PPM1A: variants seen among roughly 807,000 people sequenced by gnomAD.
PPM1A encodes protein phosphatase 1A.
Under a neutral mutation model 35.0 loss-of-function variants are expected in PPM1A, and 7 were observed. The observed-to-expected ratio is 0.20, with a 90% CI of 0.11 to 0.38. The LOEUF (loss-of-function observed/expected upper bound fraction) is 0.38. PPM1A is among the 10% of genes least tolerant of loss of function. The probability of loss-of-function intolerance (pLI) is 1.00; values close to 1 mark genes in which losing one functional copy is unlikely to be tolerated. For missense variants in PPM1A, 239 were observed against 467.8 expected (o/e 0.51, Z 4.51); for synonymous variants, 153 against 167.3 (o/e 0.91, Z 0.66).
chr14:60,277,064 T>G (rs1271251007), intron 1 of PPM1A: 2 of 1,204,198 alleles, frequency 1.7e-6, no homozygotes, highest in Admixed American at 2.8e-5. Flanking sequence ...GAGACTCAGC[T>G]TGTACTCAAG....
Position 60,249,362 on chromosome 14 carries a change from G to A in PPM1A, c.-336G>A, listed in dbSNP as rs1354437627. ...TCCGGAACGGGTGGTTGGGGAGGGG[G>A]GGGTGGGGGGACTCTAGACAGCTGA... On this transcript the variant is annotated 5_prime_UTR_variant, in exon 1 of 6. Transcript: ENST00000395076. This position sits in a 1 kb window ranked among gnomAD's most constrained non-coding sequence, Gnocchi z 4.5. 4.1e-6 allele frequency: 4 copies of A among 978,516 alleles called. No homozygotes were observed. The highest frequency in any genetic ancestry group is 6.2e-5 in the Admixed American group (1 of 16,178). The allele number at this position is 978,516 out of a possible 1,614,324, so 60.6% of individuals were successfully genotyped here.
intron 3 of PPM1A, chr14:60,287,427 A>G (rs1566604867): frequency 9.1e-6 from 9 of 984,094 alleles, no homozygotes; most frequent in East Asian, 1.1e-4. Flanking sequence ...CAACTAGAGA[A>G]TAAATATTAC....
chr14:60,275,644 G>A (rs971125197), intron 1 of PPM1A, among the ~76,000 whole-genome samples: 4 of 151,892 alleles, frequency 2.6e-5, no homozygotes, highest in Non-Finnish European at 4.4e-5. Flanking sequence ...GCACCACTAT[G>A]CCCCGCTAAT....
At chr14:60,266,644 C>G (rs1341658547) in intron 1 of PPM1A, among the ~76,000 whole-genome samples, 1 of 152,170 alleles carries the variant, frequency 6.6e-6, no homozygotes, top group Non-Finnish European at 1.5e-5. Flanking sequence ...AGAGCTCTTT[C>G]TGGATTCTCA....
chr14:60,261,893 A>G (rs987954752), intron 1 of PPM1A, among the ~76,000 whole-genome samples: 5 of 152,216 alleles, frequency 3.3e-5, no homozygotes, highest in Non-Finnish European at 7.3e-5. Context: ...ATAAAGTCCT[A>G]TAGTAAGCAG....
chr14:60,290,908 T>C (rs1887568877), intron 4 of PPM1A, among the ~76,000 whole-genome samples: 1 of 152,150 alleles, frequency 6.6e-6, no homozygotes, highest in Non-Finnish European at 1.5e-5. Context: ...CAAAACTAAT[T>C]CCTAGACTTG....
intron 1 of PPM1A, among the ~76,000 whole-genome samples, chr14:60,270,876 T>C (rs1885003599): frequency 6.6e-6 from 1 of 152,258 alleles, no homozygotes; most frequent in African/African-American, 2.4e-5. Context: ...TTTACAAGTT[T>C]GGCAGATTTT....
chr14:60,255,264 C>T (rs1031874586), intron 1 of PPM1A, among the ~76,000 whole-genome samples: 7 of 147,870 alleles, frequency 4.7e-5, no homozygotes, highest in East Asian at 2.0e-4. Flanking sequence ...CTCCGCCTCC[C>T]GGGTTCACGC....
intron 3 of PPM1A, chr14:60,286,444 G>A (rs1056585005): frequency 3.0e-6 from 3 of 984,990 alleles, no homozygotes; most frequent in Non-Finnish European, 2.4e-6. Context: ...TATATATTAT[G>A]CAGTTTCTCT....
rs1376957457 is a variant in PPM1A at position 60,294,801 on chromosome 14, A to G, written c.*2319A>G. On this transcript the variant is annotated 3_prime_UTR_variant, in exon 6 of 6. Transcript: ENST00000395076. ...TTGAAATTAGGCTTGGACACGAGAG[A>G]GAACCGTATTTGAGTGATGTGAGAA... 1 of 151,768 alleles carries G rather than the reference A, an allele frequency of 6.6e-6. No individual in the cohort carries two copies. The highest frequency in any genetic ancestry group is 1.5e-5 in the Non-Finnish European group (1 of 67,774). The allele number at this position is 151,768 out of a possible 1,614,324, so 9.4% of individuals were successfully genotyped here. A position where few individuals can be genotyped will look rare whatever the true frequency, so the allele number is the denominator to read the frequency against.
intron 1 of PPM1A, among the ~76,000 whole-genome samples, chr14:60,270,853 G>T (rs1463331463): frequency 6.6e-6 from 1 of 152,158 alleles, no homozygotes; most frequent in Non-Finnish European, 1.5e-5. Context: ...TGAAATTACT[G>T]CACATTTTCA....
chr14:60,273,490 G>T lies in PPM1A; in HGVS notation c.-20-9194G>T, dbSNP rs949353636. On this transcript the variant is annotated intron_variant, in intron 1 of 5. Coordinates refer to ENST00000395076, the MANE Select transcript of PPM1A (RefSeq NM_021003.5). This position sits in a 1 kb window ranked among gnomAD's most constrained non-coding sequence, Gnocchi z 4.3. Reference sequence around the variant, plus strand: ...AGGTACGTAGGGGCTTGACTTCCCAGGGCCTTCATGTGAGCCATATTAAGC... The same window carrying T: ...AGGTACGTAGGGGCTTGACTTCCCATGGCCTTCATGTGAGCCATATTAAGC... 6.6e-6 allele frequency among the ~76,000 whole-genome samples: 1 copy of T among 152,156 alleles called. No individual in the cohort carries two copies. The highest frequency in any genetic ancestry group is 2.4e-5 in the African/African-American group (1 of 41,430).
intron 1 of PPM1A, among the ~76,000 whole-genome samples, chr14:60,274,644 G>A (rs4899008): frequency 0.33 from 43,170 of 132,816 alleles, 8,547 homozygotes; most frequent in African/African-American, 0.53. Context: ...AAGTAGGAGG[G>A]GAGGGTTATG....
Position 60,297,893 on chromosome 14 carries a change from C to T in PPM1A, c.*5411C>T, listed in dbSNP as rs1435277933. On this transcript the variant is annotated 3_prime_UTR_variant, in exon 6 of 6. Coordinates refer to ENST00000395076, the MANE Select transcript of PPM1A (RefSeq NM_021003.5). Reference sequence around the variant, plus strand: ...ACAATATTGTAGTGGTTCATGGGCCCCCTGGTTAAGAGCCCATTCTAAAGT... The same window carrying T: ...ACAATATTGTAGTGGTTCATGGGCCTCCTGGTTAAGAGCCCATTCTAAAGT... The T allele has an allele frequency of 6.6e-6, 1 of 151,380 alleles. No homozygotes were observed. The highest frequency in any genetic ancestry group is 1.5e-5 in the Non-Finnish European group (1 of 67,570). The allele number at this position is 151,380 out of a possible 1,614,324, so 9.4% of individuals were successfully genotyped here.
At chr14:60,290,470 A>C (rs1659204611) in intron 4 of PPM1A, among the ~76,000 whole-genome samples, 1 of 152,176 alleles carries the variant, frequency 6.6e-6, no homozygotes, top group Non-Finnish European at 1.5e-5. Context: ...ACTTTGTGTT[A>C]AATATTAAGC....
chr14:60,267,594 C>T (rs1248227802), intron 1 of PPM1A, among the ~76,000 whole-genome samples: 1 of 151,832 alleles, frequency 6.6e-6, no homozygotes, highest in Admixed American at 6.6e-5. Flanking sequence ...AATTTTTTTC[C>T]TGTAATCTAT....
rs1887910199 is a variant in PPM1A at position 60,294,571 on chromosome 14, A to G, written c.*2089A>G. The G allele has an allele frequency of 6.6e-6, 1 of 151,866 alleles. No homozygotes were observed. Among genetic ancestry groups the G allele is most frequent in the South Asian group, 2.1e-4 (1 of 4,838 alleles). The allele number at this position is 151,866 out of a possible 1,614,324, so 9.4% of individuals were successfully genotyped here. ...TATTATAACAAACCAGTTCCTTAAT[A>G]TTTTAAGTAGACTGACAACTTTAGT... On this transcript the variant is annotated 3_prime_UTR_variant, in exon 6 of 6. Coordinates refer to ENST00000395076, the MANE Select transcript of PPM1A (RefSeq NM_021003.5).
chr14:60,248,342 T>C (rs970315012), upstream of PPM1A, among the ~76,000 whole-genome samples: 4 of 152,254 alleles, frequency 2.6e-5, no homozygotes, highest in African/African-American at 9.6e-5. Context: ...TTGGAGGTCG[T>C]TGGAGGTCCC....
intron 3 of PPM1A, chr14:60,286,333 T>C (rs1887002374): frequency 3.0e-6 from 3 of 985,732 alleles, no homozygotes; most frequent in Non-Finnish European, 3.6e-6. Context: ...GGCAGAAAAG[T>C]AACTGCCAAG....
Sources: gnomAD v4.1 joint callset for allele counts (sites outside exome capture counted in the v4.1 genomes callset) on GRCh38, gnomAD v4.1.1 for gene constraint, Gnocchi (gnomAD v3.1) non-coding constraint, MANE v1.5 for transcripts, NCBI Gene and HGNC (gene_info 2026-07-23, HGNC 2026-07-21) for gene names.